The following GALNT13 variants were observed in gnomAD, a reference collection of about 807,000 sequenced individuals.
GALNT13 encodes polypeptide N-acetylgalactosaminyltransferase 13, also known as UDP-GalNAc:polypeptide N-acetylgalactosaminyltransferase 13.
GALNT13 carries 28 observed loss-of-function variants against 64.2 expected under a neutral mutation model. The observed-to-expected ratio is 0.44, with a 90% CI of 0.32 to 0.60. The LOEUF is 0.60. Among genes scored for constraint, GALNT13 ranks in the 20% least tolerant of loss-of-function variants. The pLI, the probability that GALNT13 is intolerant of heterozygous loss-of-function variation, is 0.05. For missense variants in GALNT13, 577 were observed against 669.8 expected (o/e 0.86, Z 1.53); for synonymous variants, 214 against 224.6 (o/e 0.95, Z 0.42).
At chr2:153,221,589 C>T in the GALNT13 span, among the ~76,000 whole-genome samples, 2 of 152,168 alleles carry the variant, frequency 1.3e-5, no homozygotes, top group South Asian at 4.1e-4. Context: ...TTTGCTCGGG[C>T]CTGCTTGGCT....
chr2:153,724,075 C>G, the GALNT13 span, among the ~76,000 whole-genome samples: 1 of 143,662 alleles, frequency 7.0e-6, no homozygotes, highest in African/African-American at 2.8e-5. Context: ...CTACTGTAAC[C>G]AAAACAGCAT....
At chr2:154,130,470 A>G (rs748674336) in intron 3 of GALNT13, among the ~76,000 whole-genome samples, 10 of 152,178 alleles carry the variant, frequency 6.6e-5, no homozygotes, top group Non-Finnish European at 1.3e-4. Context: ...AGAGTATTTG[A>G]GGTGATCCAT....
At chr2:154,136,220 A>G (rs1427550177) in intron 3 of GALNT13, among the ~76,000 whole-genome samples, 1 of 152,204 alleles carries the variant, frequency 6.6e-6, no homozygotes, top group African/African-American at 2.4e-5. Context: ...GAGTAGATCT[A>G]AGACTAGAAA....
At chr2:153,323,839 T>C in the GALNT13 span, among the ~76,000 whole-genome samples, 3 of 152,274 alleles carry the variant, frequency 2.0e-5, no homozygotes, top group African/African-American at 4.8e-5. Context: ...TTCTGTTCCA[T>C]TGGTCTATAT....
At chr2:153,329,905 T>C in the GALNT13 span, among the ~76,000 whole-genome samples, 2 of 152,204 alleles carry the variant, frequency 1.3e-5, no homozygotes, top group South Asian at 2.1e-4. Flanking sequence ...TTCTTACAGT[T>C]TGAGGTCTTA....
At chr2:153,828,290 C>T in the GALNT13 span, among the ~76,000 whole-genome samples, 2 of 152,244 alleles carry the variant, frequency 1.3e-5, no homozygotes, top group Admixed American at 6.5e-5. Context: ...CATTTCCCTT[C>T]TGCACTGCCC....
chr2:153,537,188 T>G, the GALNT13 span, among the ~76,000 whole-genome samples: 2 of 152,284 alleles, frequency 1.3e-5, no homozygotes, highest in East Asian at 1.9e-4. Context: ...GAGAGAGAGA[T>G]ATGAAGCTGC....
the GALNT13 span, among the ~76,000 whole-genome samples, chr2:153,073,541 A>T: frequency 6.6e-6 from 1 of 152,010 alleles, no homozygotes; most frequent in Non-Finnish European, 1.5e-5. Context: ...AATAATTGTC[A>T]ACTCATGTTT....
the GALNT13 span, among the ~76,000 whole-genome samples, chr2:153,353,669 G>A: frequency 1.1e-4 from 16 of 151,922 alleles, no homozygotes; most frequent in East Asian, 1.3e-3. Context: ...ATGGGTGTTC[G>A]TTTTCATCAA....
intron 2 of GALNT13, among the ~76,000 whole-genome samples, chr2:153,903,297 A>G (rs957712282): frequency 2.0e-5 from 3 of 152,110 alleles, no homozygotes; most frequent in African/African-American, 7.2e-5. Context: ...CGCATTTTAA[A>G]GTTAGTTTAC....
intron 3 of GALNT13, among the ~76,000 whole-genome samples, chr2:153,995,824 C>T (rs1695487525): frequency 2.0e-5 from 3 of 152,130 alleles, no homozygotes; most frequent in African/African-American, 7.2e-5. Context: ...ACCACTCCCA[C>T]CTTCTCCCTT....
chr2:153,729,135 G>A, the GALNT13 span, among the ~76,000 whole-genome samples: 1 of 151,952 alleles, frequency 6.6e-6, no homozygotes, highest in Non-Finnish European at 1.5e-5. Flanking sequence ...CTAACTCATA[G>A]CCAATATCAT....
chr2:153,802,326 C>G, the GALNT13 span, among the ~76,000 whole-genome samples: 1 of 152,078 alleles, frequency 6.6e-6, no homozygotes. Flanking sequence ...TTCTAATAAG[C>G]TTTCTCTTTA....
At chr2:153,431,150 A>T in the GALNT13 span, among the ~76,000 whole-genome samples, 1 of 149,818 alleles carries the variant, frequency 6.7e-6, no homozygotes, top group African/African-American at 2.4e-5. Flanking sequence ...ACTCTGTCAA[A>T]AAAAAAAAAA....
chr2:153,995,132 T>G (rs1695434793), intron 3 of GALNT13, among the ~76,000 whole-genome samples: 1 of 152,016 alleles, frequency 6.6e-6, no homozygotes, highest in Admixed American at 6.6e-5. Flanking sequence ...TTAGATTAGA[T>G]CTCATCTAAT....
chr2:153,738,257 G>C, the GALNT13 span, among the ~76,000 whole-genome samples: 30 of 151,662 alleles, frequency 2.0e-4, no homozygotes, highest in Admixed American at 9.2e-4. Flanking sequence ...ATTCTTACTA[G>C]CTCTTTCTTT....
the GALNT13 span, among the ~76,000 whole-genome samples, chr2:153,326,871 GT>G: frequency 6.6e-6 from 1 of 152,124 alleles, no homozygotes; most frequent in Non-Finnish European, 1.5e-5. Flanking sequence ...GGATCATGAG[GT>G]CAGGAGTTTG....
the GALNT13 span, among the ~76,000 whole-genome samples, chr2:153,079,117 T>A: frequency 2.6e-5 from 4 of 152,152 alleles, no homozygotes; most frequent in African/African-American, 7.2e-5. Flanking sequence ...ACTATGAGTA[T>A]GTTTGTCATA....
chr2:153,522,310 G>T, the GALNT13 span, among the ~76,000 whole-genome samples: 1 of 151,882 alleles, frequency 6.6e-6, no homozygotes. Flanking sequence ...TCCAGCCTGG[G>T]CGACAGAGTG....
Sources: allele counts gnomAD v4.1 joint callset (sites outside exome capture counted in the v4.1 genomes callset), GRCh38; gene constraint gnomAD v4.1.1; transcripts MANE v1.5; gene names NCBI Gene and HGNC (gene_info 2026-07-23, HGNC 2026-07-21).